PPP6R3: variants seen among roughly 807,000 people sequenced by gnomAD.
The protein encoded by PPP6R3 is serine/threonine-protein phosphatase 6 regulatory subunit 3.
A neutral mutation model predicts 110.7 loss-of-function variants in PPP6R3; 38 were observed. That is an observed-to-expected ratio of 0.34 (90% confidence interval 0.26 to 0.45). The LOEUF is 0.45. Among genes scored for constraint, PPP6R3 ranks in the 20% least tolerant of loss-of-function variants. The pLI is 1.00. For missense variants in PPP6R3, 870 were observed against 1,062.4 expected, an observed-to-expected ratio of 0.82 and a Z score of 2.52; for synonymous variants, 369 against 373.5, an observed-to-expected ratio of 0.99 and a Z score of 0.14.
At chr11:68,604,005 A>G (rs771065541) in intron 22 of PPP6R3, among the ~76,000 whole-genome samples, 8 of 152,222 alleles carry the variant, frequency 5.3e-5, no homozygotes, top group Non-Finnish European at 4.4e-5. Flanking sequence ...CCTAAAACTG[A>G]GAGAATAATG....
At chr11:68,599,441 C>T (rs562585851) in intron 19 of PPP6R3, among the ~76,000 whole-genome samples, 4 of 152,186 alleles carry the variant, frequency 2.6e-5, no homozygotes, top group Admixed American at 6.5e-5. Context: ...TAAGTGTGCT[C>T]AAGCAAGTCC....
rs1426451292 is a variant in PPP6R3 at position 68,609,951 on chromosome 11, C to G, written c.2498C>G (p.Ala833Gly). The G allele has an allele frequency of 6.2e-7, 1 of 1,614,170 alleles. No homozygotes were observed. The highest frequency in any genetic ancestry group is 2.2e-5 in the East Asian group (1 of 44,882). Residue 833 changes from alanine to glycine, a missense_variant, in exon 23 of 24, where the codon GCA becomes GGA. Physicochemically the swap from Ala to Gly is moderately conservative, Grantham distance 60. Coordinates refer to ENST00000393800, the MANE Select transcript of PPP6R3 (RefSeq NM_001164161.2). ...STSQDAACKD[A>G]EECPETAEAK... Reference sequence around the variant, plus strand: ...TCTCAAGATGCTGCTTGTAAAGACGCAGAGGAGTGTCCCGAGACTGCAGAG... The same window carrying G: ...TCTCAAGATGCTGCTTGTAAAGACGGAGAGGAGTGTCCCGAGACTGCAGAG...
chr11:68,502,620 G>C (rs1291525583), intron 1 of PPP6R3, among the ~76,000 whole-genome samples: 2 of 152,178 alleles, frequency 1.3e-5, no homozygotes, highest in Non-Finnish European at 2.9e-5. Context: ...ATGCAGAGAA[G>C]GGAAAGTGTA....
chr11:68,491,607 C>T (rs1010709434), intron 1 of PPP6R3, among the ~76,000 whole-genome samples: 1 of 152,144 alleles, frequency 6.6e-6, no homozygotes, highest in South Asian at 2.1e-4. Context: ...ACTTCAGCCT[C>T]CTAAAGTGTC....
At chr11:68,602,330 T>C (rs2099634398) in intron 21 of PPP6R3, among the ~76,000 whole-genome samples, 1 of 152,216 alleles carries the variant, frequency 6.6e-6, no homozygotes, top group Non-Finnish European at 1.5e-5. Flanking sequence ...TGTAGGTGTA[T>C]CTGGGTTTGT....
At chr11:68,572,832 C>A (rs2099512757) in intron 12 of PPP6R3, among the ~76,000 whole-genome samples, 1 of 142,302 alleles carries the variant, frequency 7.0e-6, no homozygotes, top group South Asian at 2.4e-4. Context: ...ACAAGCAAGA[C>A]CTTGTCTCTA....
chr11:68,528,592 T>C (rs1442941258), intron 2 of PPP6R3, among the ~76,000 whole-genome samples: 1 of 152,218 alleles, frequency 6.6e-6, no homozygotes, highest in Non-Finnish European at 1.5e-5. Flanking sequence ...TCCATGTTTC[T>C]GCCCCTTCTT....
intron 17 of PPP6R3, among the ~76,000 whole-genome samples, chr11:68,591,085 C>T (rs1405121697): frequency 1.3e-5 from 2 of 152,010 alleles, no homozygotes; most frequent in Admixed American, 6.6e-5. Context: ...GTGGAAACAC[C>T]GAGACAGTCG....
chr11:68,497,213 A>T (rs1592059876), intron 1 of PPP6R3, among the ~76,000 whole-genome samples: 1 of 141,296 alleles, frequency 7.1e-6, no homozygotes, highest in African/African-American at 2.6e-5. Flanking sequence ...CGCCCGGCTA[A>T]TTTTTTTTTT....
At position 68,582,754 on chromosome 11, in the gene PPP6R3, A is replaced by G. The variant is rs577799017; in HGVS notation, c.1546-289A>G. 1.5e-4 allele frequency among the ~76,000 whole-genome samples: 23 copies of G among 152,344 alleles called. No individual in the cohort carries two copies. In the East Asian group the frequency reaches 2.1e-3, roughly 14 times the overall value. ...AACATTTAATTGGAGGTGATTATCA[A>G]AATCACTTAAATGGAGTAACTCACC... On this transcript the variant is annotated intron_variant, in intron 14 of 23. Transcript: ENST00000393800.
chr11:68,584,233 T>C (rs1047552989), intron 15 of PPP6R3, among the ~76,000 whole-genome samples: 2 of 152,230 alleles, frequency 1.3e-5, no homozygotes, highest in Admixed American at 6.5e-5. Context: ...GCTTCCTGCC[T>C]TGGCTTGCTA....
intron 4 of PPP6R3, among the ~76,000 whole-genome samples, chr11:68,545,763 A>T (rs2099346870): frequency 6.6e-6 from 1 of 152,232 alleles, no homozygotes; most frequent in South Asian, 2.1e-4. Context: ...GATGCATGCT[A>T]ACATTTGAGA....
At chr11:68,591,373 T>C (rs1566062089) in intron 17 of PPP6R3, among the ~76,000 whole-genome samples, 1 of 152,202 alleles carries the variant, frequency 6.6e-6, no homozygotes, top group Non-Finnish European at 1.5e-5. Context: ...CTAGTCTTTT[T>C]AGGGAAACCC....
At chr11:68,597,639 T>A (rs1052661777) in intron 19 of PPP6R3, among the ~76,000 whole-genome samples, 1 of 151,950 alleles carries the variant, frequency 6.6e-6, no homozygotes, top group African/African-American at 2.4e-5. Context: ...ATCTGTTGGC[T>A]CTGGAATCTG....
rs1944669515 is a variant in PPP6R3, at chr11:68,613,959, A to G, written c.*842A>G. The G allele has an allele frequency of 1.0e-6, 1 of 967,208 alleles. No homozygotes were observed. The highest frequency in any genetic ancestry group is 1.2e-6 in the Non-Finnish European group (1 of 824,710). The allele number at this position is 967,208 out of a possible 1,614,324, so 59.9% of individuals were successfully genotyped here. A position where few individuals can be genotyped will look rare whatever the true frequency, so the allele number is the denominator to read the frequency against. On this transcript the variant is annotated 3_prime_UTR_variant, in exon 24 of 24. Coordinates refer to ENST00000393800, the MANE Select transcript of PPP6R3 (RefSeq NM_001164161.2). ...GTTTTTTTGTTTCATTTGGTAGTTC[A>G]TCTGCCTTTTAACCCATTCACCAAA...
At chr11:68,603,277 C>T in intron 21 of PPP6R3, 65 bp from the exon 22 acceptor site, 1 of 1,591,660 alleles carries the variant, frequency 6.3e-7, no homozygotes, top group Admixed American at 1.7e-5. Flanking sequence ...TGGGTTTGTA[C>T]AGTGGTGGGG....
At chr11:68,469,061 A>T (rs535268036) in intron 1 of PPP6R3, among the ~76,000 whole-genome samples, 2 of 152,312 alleles carry the variant, frequency 1.3e-5, no homozygotes, top group East Asian at 3.9e-4. Flanking sequence ...AGACAGCTCT[A>T]TTGAGGGTTT....
chr11:68,587,862 G>A (rs1275460137), intron 15 of PPP6R3, 65 bp from the exon 16 acceptor site: 11 of 1,323,302 alleles, frequency 8.3e-6, no homozygotes, highest in African/African-American at 1.4e-5. Context: ...AACACAAATG[G>A]GCAAATAGTA....
chr11:68,555,618 C>G (rs993406798), intron 7 of PPP6R3, among the ~76,000 whole-genome samples: 1 of 152,212 alleles, frequency 6.6e-6, no homozygotes, highest in African/African-American at 2.4e-5. Context: ...AGCCTTCCGT[C>G]CACACAGCTT....
Sources: allele counts gnomAD v4.1 joint callset (sites outside exome capture counted in the v4.1 genomes callset), GRCh38; gene constraint gnomAD v4.1.1; transcripts MANE v1.5; gene names NCBI Gene and HGNC (gene_info 2026-07-23, HGNC 2026-07-21).